The following RNF115 variants were observed in gnomAD, a reference collection of about 807,000 sequenced individuals.
RNF115 encodes E3 ubiquitin-protein ligase RNF115.
Under a neutral mutation model 39.2 loss-of-function variants are expected in RNF115, and 31 were observed. The ratio of observed to expected loss-of-function variants is 0.79; its 90% CI spans 0.59 to 1.07. The LOEUF (loss-of-function observed/expected upper bound fraction) is 1.07. Ranked by LOEUF, RNF115 falls within the 50% of genes least tolerant of loss-of-function variation. The pLI, the probability that RNF115 is intolerant of heterozygous loss-of-function variation, is 0.00. For missense variants in RNF115, 384 were observed against 381.7 expected (o/e 1.01, Z -0.05); for synonymous variants, 124 against 131.0 (o/e 0.95, Z 0.37).
intron 3 of RNF115, among the ~76,000 whole-genome samples, chr1:145,776,645 C>T (rs1174703627): frequency 6.6e-6 from 1 of 151,798 alleles, no homozygotes; most frequent in Non-Finnish European, 1.5e-5. Flanking sequence ...TCAAGACCAG[C>T]CTAGCATGGT....
intron 1 of RNF115, among the ~76,000 whole-genome samples, chr1:145,793,842 CTTTTTT>C (rs11304765): frequency 2.2e-5 from 3 of 135,798 alleles, no homozygotes; most frequent in South Asian, 2.3e-4. Context: ...TACCCTCTTT[CTTTTTT>C]TTTTTTTTTT....
At chr1:145,823,562 C>A (rs1350823763) in intron 1 of RNF115, among the ~76,000 whole-genome samples, 1 of 151,992 alleles carries the variant, frequency 6.6e-6, no homozygotes, top group African/African-American at 2.4e-5. Context: ...GGTGGAGCAG[C>A]CCAGGATGAA....
chr1:145,792,644 G>C (rs1239839873), intron 1 of RNF115, among the ~76,000 whole-genome samples: 1 of 152,148 alleles, frequency 6.6e-6, no homozygotes, highest in Non-Finnish European at 1.5e-5. Context: ...GGGGGAACTA[G>C]GGAAAGCTCT....
chr1:145,764,284 C>T (rs1201396690), intron 4 of RNF115, among the ~76,000 whole-genome samples: 2 of 152,222 alleles, frequency 1.3e-5, no homozygotes, highest in African/African-American at 4.8e-5. Context: ...CTCCCAGCCG[C>T]CTGCCTTGGC....
At position 145,744,020 on chromosome 1, in the gene RNF115, G is replaced by C. The variant is rs892947980; in HGVS notation, c.*2846C>G. ...AAAACTTCATGTAACTTTGTCTGAT[G>C]CTGTTTGCTATACTGTGTATAAAAA... On this transcript the variant is annotated 3_prime_UTR_variant, in exon 9 of 9. Coordinates refer to ENST00000582693, the MANE Select transcript of RNF115 (RefSeq NM_014455.4). The C allele has an allele frequency of 6.5e-6, 1 of 152,716 alleles. No individual in the cohort carries two copies. Among genetic ancestry groups the C allele is most frequent in the African/African-American group, 2.4e-5 (1 of 41,646 alleles). 9.5% of individuals were successfully genotyped at this position (152,716 alleles called of 1,614,324 possible). A position where few individuals can be genotyped will look rare whatever the true frequency, so the allele number is the denominator to read the frequency against.
intron 4 of RNF115, among the ~76,000 whole-genome samples, chr1:145,767,522 CAGACG>C (rs1418538663): frequency 1.3e-5 from 2 of 151,812 alleles, no homozygotes; most frequent in East Asian, 3.9e-4. Context: ...CCTCACATCC[CAGACG>C]ATGGGCGGCC....
At chr1:145,784,118 G>T (rs1412004695) in intron 3 of RNF115, among the ~76,000 whole-genome samples, 1 of 152,140 alleles carries the variant, frequency 6.6e-6, no homozygotes, top group Non-Finnish European at 1.5e-5. Flanking sequence ...CAGTACCTCT[G>T]TACAAGGTTG....
chr1:145,803,280 T>C (rs1553721136), intron 1 of RNF115, among the ~76,000 whole-genome samples: 2 of 152,196 alleles, frequency 1.3e-5, no homozygotes, highest in African/African-American at 2.4e-5. Flanking sequence ...AGGATACCTA[T>C]ACAATTTAAA....
Position 145,741,535 on chromosome 1 carries a change from C to T in RNF115, c.*5331G>A, listed in dbSNP as rs1559098551. 3 of 152,170 alleles carry T rather than the reference C, an allele frequency of 2.0e-5. No individual in the cohort carries two copies. Among genetic ancestry groups the T allele is most frequent in the Non-Finnish European group, 4.4e-5 (3 of 68,040 alleles). The allele number at this position is 152,170 out of a possible 1,614,324, so 9.4% of individuals were successfully genotyped here. On this transcript the variant is annotated 3_prime_UTR_variant, in exon 9 of 9. Transcript: ENST00000582693. ...GCTGAATACTGAGACACTGACATTA[C>T]TGCAGGCTAGGATTTCCCCCTATAG... is the stretch of plus-strand genomic sequence containing the variant.
chr1:145,789,759 G>T (rs782803824), intron 1 of RNF115, among the ~76,000 whole-genome samples: 2 of 131,030 alleles, frequency 1.5e-5, no homozygotes, highest in African/African-American at 3.0e-5. Flanking sequence ...CCAGGAGCTA[G>T]AGTGCAATGG....
chr1:145,811,380 A>AAAG (rs1197890217), intron 1 of RNF115, among the ~76,000 whole-genome samples: 5 of 148,594 alleles, frequency 3.4e-5, no homozygotes, highest in African/African-American at 1.2e-4. Context: ...AAAAAAGAAA[A>AAAG]AAGAAGAAGA....
intron 1 of RNF115, among the ~76,000 whole-genome samples, chr1:145,807,394 A>G (rs1314083548): frequency 6.6e-6 from 1 of 152,206 alleles, no homozygotes; most frequent in African/African-American, 2.4e-5. Flanking sequence ...TTAAAATAGG[A>G]TGCTAATATA....
At chr1:145,786,381 G>T (rs1452391239) in intron 2 of RNF115, among the ~76,000 whole-genome samples, 1 of 152,096 alleles carries the variant, frequency 6.6e-6, no homozygotes, top group Non-Finnish European at 1.5e-5. Flanking sequence ...TTTATAGAAG[G>T]AAATATCATA....
chr1:145,765,371 A>G (rs1368569764), intron 4 of RNF115, among the ~76,000 whole-genome samples: 1 of 151,556 alleles, frequency 6.6e-6, no homozygotes, highest in Non-Finnish European at 1.5e-5. Context: ...TTGTCCTATG[A>G]CCCTGCCAAA....
At chr1:145,806,218 C>A (rs1465033310) in intron 1 of RNF115, among the ~76,000 whole-genome samples, 1 of 152,074 alleles carries the variant, frequency 6.6e-6, no homozygotes, top group South Asian at 2.1e-4. Flanking sequence ...CATTGTGGCC[C>A]ACACCTGTAA....
intron 6 of RNF115, 71 bp from the exon 7 acceptor site, chr1:145,750,571 G>C (rs1045574132): frequency 3.4e-6 from 4 of 1,172,690 alleles, no homozygotes; most frequent in Admixed American, 3.6e-5. Flanking sequence ...AACTGCTCCA[G>C]CTGAGAACAA....
intron 4 of RNF115, among the ~76,000 whole-genome samples, chr1:145,755,153 A>T (rs1658250801): frequency 2.0e-5 from 3 of 151,862 alleles, no homozygotes; most frequent in Non-Finnish European, 4.4e-5. Context: ...AAGGCAGGAG[A>T]ATCACTTGAA....
rs143101667 is a variant in RNF115, at chr1:145,746,955, C to T, written c.826G>A (p.Asp276Asn). ...PVCRKSLNGEDSTRQSQSTEA... is the reference protein window; with the variant it reads ...PVCRKSLNGENSTRQSQSTEA... ...GTGCTCTGGCTTTGCCGAGTAGAGT[C>T]CTCACCATTTAAGCTCTTCCTACAT... The change falls in exon 9 of 9, where the codon GAC (aspartate) becomes AAC (asparagine). Residue 276 changes from aspartate (D) to asparagine (N), a missense_variant. Asp to Asn is a conservative substitution (Grantham distance 23, BLOSUM62 1). Transcript: ENST00000582693. 2.9e-5 allele frequency: 46 copies of T among 1,613,952 alleles called. No individual in the cohort carries two copies. In the African/African-American group the frequency reaches 5.1e-4, roughly 18 times the overall value.
chr1:145,752,744 C>T lies in RNF115; in HGVS notation c.500+234G>A, dbSNP rs142975024. Among the ~76,000 whole-genome samples the T allele has an allele frequency of 3.7e-3, 565 of 151,974 alleles. 4 individuals carry two copies. Among genetic ancestry groups the T allele is most frequent in the African/African-American group, 0.013 (544 of 41,424 alleles). ...CTGGGACTACAGAAGCATGCCACCA[C>T]GCCTGGCTAATTTTTTATATTTTTA... On this transcript the variant is annotated intron_variant, in intron 5 of 8. Transcript: ENST00000582693.
Sources: gnomAD v4.1 joint callset for allele counts (sites outside exome capture counted in the v4.1 genomes callset) on GRCh38, gnomAD v4.1.1 for gene constraint, MANE v1.5 for transcripts, NCBI Gene and HGNC (gene_info 2026-07-23, HGNC 2026-07-21) for gene names.